TRIB2: variants seen among roughly 807,000 people sequenced by gnomAD.
TRIB2 encodes tribbles pseudokinase 2, also known as tribbles homolog 2.
In TRIB2, 2 loss-of-function variants were observed where a neutral mutation model predicts 26.8. The ratio of observed to expected loss-of-function variants is 0.07; its 90% CI spans 0.03 to 0.24. The LOEUF (loss-of-function observed/expected upper bound fraction) is 0.24, where lower values mean the gene tolerates loss of function less well. TRIB2 is among the 10% of genes least tolerant of loss of function. The pLI, the probability that TRIB2 is intolerant of heterozygous loss-of-function variation, is 1.00. For missense variants in TRIB2, 306 were observed against 449.0 expected (o/e 0.68, Z 2.88); for synonymous variants, 189 against 187.3 (o/e 1.01, Z -0.08).
intron 1 of TRIB2, among the ~76,000 whole-genome samples, chr2:12,722,862 G>C (rs1001506590): frequency 6.6e-6 from 1 of 152,124 alleles, no homozygotes; most frequent in South Asian, 2.1e-4. Flanking sequence ...ATAAAGTGTT[G>C]TTGATGTCAT....
At chr2:12,721,321 T>G (rs1661211476) in intron 1 of TRIB2, among the ~76,000 whole-genome samples, 1 of 152,178 alleles carries the variant, frequency 6.6e-6, no homozygotes, top group Non-Finnish European at 1.5e-5. Flanking sequence ...TGAGCAAAAG[T>G]CACCTTTTAT....
At chr2:12,726,854 A>G (rs1283033918) in intron 2 of TRIB2, among the ~76,000 whole-genome samples, 2 of 152,214 alleles carry the variant, frequency 1.3e-5, no homozygotes, top group African/African-American at 2.4e-5. Flanking sequence ...CTGGTGCAGA[A>G]GAAGACCTGC....
At chr2:12,729,088 G>A (rs532533378) in intron 2 of TRIB2, among the ~76,000 whole-genome samples, 98 of 152,282 alleles carry the variant, frequency 6.4e-4, no homozygotes, top group Non-Finnish European at 1.2e-3. Context: ...TTATTTATGA[G>A]AAACCCCTTT....
intron 2 of TRIB2, among the ~76,000 whole-genome samples, chr2:12,738,459 A>C (rs1344744588): frequency 6.6e-6 from 1 of 152,160 alleles, no homozygotes; most frequent in African/African-American, 2.4e-5. Flanking sequence ...ATGCTGTCTT[A>C]ATCCTAACTC....
chr2:12,717,169 C>G lies in TRIB2; in HGVS notation c.-1139C>G, dbSNP rs1666609851. The G allele has an allele frequency of 2.6e-6, 1 of 391,526 alleles. No individual in the cohort carries two copies. The highest frequency in any genetic ancestry group is 4.5e-6 in the Non-Finnish European group (1 of 222,288). 24.3% of individuals were successfully genotyped at this position (391,526 alleles called of 1,614,324 possible). A position where few individuals can be genotyped will look rare whatever the true frequency, so the allele number is the denominator to read the frequency against. Reference sequence around the variant, plus strand: ...AGAAATCAAAGAAGGAGGAGACAAGCCGTCAATTTTCTCCAAAACAAACCC... The same window carrying G: ...AGAAATCAAAGAAGGAGGAGACAAGGCGTCAATTTTCTCCAAAACAAACCC... On this transcript the variant is annotated 5_prime_UTR_variant, in exon 1 of 3. Transcript: ENST00000155926. The surrounding 1 kb of genome is among the most constrained non-coding windows in gnomAD (Gnocchi z 4.8).
In TRIB2 at chr2:12,741,248, AGCTG is replaced by A. The variant is rs1183312220; in HGVS notation, c.*456_*459del. The A allele has an allele frequency of 6.3e-6, 1 of 158,056 alleles. No individual in the cohort carries two copies. The highest frequency in any genetic ancestry group is 2.4e-5 in the African/African-American group (1 of 41,502). 9.8% of individuals were successfully genotyped at this position (158,056 alleles called of 1,614,324 possible). A position where few individuals can be genotyped will look rare whatever the true frequency, so the allele number is the denominator to read the frequency against. On this transcript the variant is annotated 3_prime_UTR_variant, in exon 3 of 3. Coordinates refer to ENST00000155926, the MANE Select transcript of TRIB2 (RefSeq NM_021643.4). ...TTTCTTTTAAACAAGCCAACCACCT[AGCTG>A]GTAATTAATGAGGTTCACTTAAAAA... is the stretch of plus-strand genomic sequence containing the variant.
At chr2:12,731,623 A>G (rs1158147641) in intron 2 of TRIB2, among the ~76,000 whole-genome samples, 1 of 152,198 alleles carries the variant, frequency 6.6e-6, no homozygotes, top group East Asian at 1.9e-4. Flanking sequence ...AAGGTTTCAA[A>G]TGTGTTCATG....
intron 2 of TRIB2, among the ~76,000 whole-genome samples, chr2:12,738,877 A>AT (rs1327885053): frequency 6.6e-6 from 1 of 152,174 alleles, no homozygotes; most frequent in Non-Finnish European, 1.5e-5. Flanking sequence ...CACTTAATTT[A>AT]TGTCATACAC....
At chr2:12,723,639 T>G in intron 2 of TRIB2, 87 bp downstream of exon 2, 4 of 1,483,840 alleles carry the variant, frequency 2.7e-6, no homozygotes, top group Non-Finnish European at 3.6e-6. Context: ...GGACGTTTTT[T>G]TGCCGTCTGT....
chr2:12,730,593 TG>T (rs959589122), intron 2 of TRIB2, among the ~76,000 whole-genome samples: 1 of 152,144 alleles, frequency 6.6e-6, no homozygotes, highest in African/African-American at 2.4e-5. Flanking sequence ...TTCCATTCTG[TG>T]GGTTTTTTTT....
chr2:12,733,439 C>T lies in TRIB2; in HGVS notation c.564-6887C>T, dbSNP rs551075516. Among the ~76,000 whole-genome samples, 6 of 152,242 alleles carry T rather than the reference C, an allele frequency of 3.9e-5. 1 individual carries two copies. The South Asian group carries it at 1.0e-3, about 26-fold the overall frequency. The stretch of plus-strand genomic sequence containing the variant: ...GAATGTATTTTGGAAAGGACAATGG[C>T]GTTAGAGTCCAGATGTAGATTCAGA... On this transcript the variant is annotated intron_variant, in intron 2 of 2. Coordinates refer to ENST00000155926, the MANE Select transcript of TRIB2 (RefSeq NM_021643.4).
rs1000513258 is a variant in TRIB2 at position 12,723,632 on chromosome 2, C to T, written c.563+80C>T. On this transcript the variant is annotated intron_variant, in intron 2 of 2. Transcript: ENST00000155926. ...GCTTCCTAGAAAAGTCTTGAATGGA[C>T]GTTTTTTTGCCGTCTGTGGTCCAGA... The T allele has an allele frequency of 1.5e-4, 230 of 1,501,856 alleles. 1 individual carries two copies. The highest frequency in any genetic ancestry group is 2.4e-4 in the Middle Eastern group (1 of 4,236). The allele number at this position is 1,501,856 out of a possible 1,614,324, so 93.0% of individuals were successfully genotyped here.
intron 1 of TRIB2, among the ~76,000 whole-genome samples, chr2:12,719,317 T>G (rs1666673617): frequency 6.6e-6 from 1 of 152,060 alleles, no homozygotes; most frequent in South Asian, 2.1e-4. Flanking sequence ...GAGGCTCCCG[T>G]TTGGAGCCCT....
intron 2 of TRIB2, among the ~76,000 whole-genome samples, chr2:12,731,114 G>C (rs1161753227): frequency 1.3e-5 from 2 of 152,234 alleles, no homozygotes; most frequent in Non-Finnish European, 2.9e-5. Context: ...TTATTCAATA[G>C]TTATTTAGCT....
intron 2 of TRIB2, among the ~76,000 whole-genome samples, chr2:12,730,508 C>T (rs993578981): frequency 6.6e-6 from 1 of 152,240 alleles, no homozygotes. Context: ...ACTCAGCTCA[C>T]GACTCAGTTT....
At position 12,729,678 on chromosome 2, in the gene TRIB2, A is replaced by G. The variant is rs984198312; in HGVS notation, c.563+6126A>G. On this transcript the variant is annotated intron_variant, in intron 2 of 2. Coordinates refer to ENST00000155926, the MANE Select transcript of TRIB2 (RefSeq NM_021643.4). ...GGTTAGAAAGGGGAGAGCTTCCTCC[A>G]GGTTCCATGCTTATAAGTAGACTAA... 8.5e-5 allele frequency among the ~76,000 whole-genome samples: 13 copies of G among 152,328 alleles called. No individual in the cohort carries two copies. In the East Asian group the frequency reaches 2.5e-3, roughly 29 times the overall value.
At chr2:12,737,181 C>G (rs13016883) in intron 2 of TRIB2, among the ~76,000 whole-genome samples, 67,362 of 152,158 alleles carry the variant, frequency 0.44, 16,003 homozygotes, top group East Asian at 0.83. Flanking sequence ...TTGGGGCAGA[C>G]GAACCTGGGC....
Position 12,723,450 on chromosome 2 carries a change from G to C in TRIB2, c.461G>C (p.Arg154Thr), listed in dbSNP as rs1313320132. The C allele has an allele frequency of 2.5e-6, 4 of 1,614,108 alleles. No homozygotes were observed. In the South Asian group the frequency reaches 4.4e-5, roughly 18 times the overall value. Residue 154 changes from arginine (R) to threonine (T), a missense_variant, in exon 2 of 3, where the codon AGA (arginine) becomes ACA (threonine). Around this residue, in one of 4 missense-constraint regions of TRIB2, gnomAD observed 118 missense variants for 188.8 expected, o/e 0.63. Coordinates refer to ENST00000155926, the MANE Select transcript of TRIB2 (RefSeq NM_021643.4). ...CKKLREEEAA[R>T]LFYQIASAVA... The stretch of plus-strand genomic sequence containing the variant: ...AAGCTGAGAGAGGAGGAGGCAGCCA[G>C]ACTGTTCTACCAGATTGCCTCGGCA...
intron 2 of TRIB2, among the ~76,000 whole-genome samples, chr2:12,733,564 CT>C (rs2103256882): frequency 6.6e-6 from 1 of 152,248 alleles, no homozygotes; most frequent in Non-Finnish European, 1.5e-5. Context: ...TCATACTTGT[CT>C]TTTACTTTGT....
Sources: allele counts gnomAD v4.1 joint callset (sites outside exome capture counted in the v4.1 genomes callset), GRCh38; gene constraint gnomAD v4.1.1; regional missense constraint gnomAD v4.1.1; non-coding constraint Gnocchi (gnomAD v3.1); transcripts MANE v1.5; gene names NCBI Gene and HGNC (gene_info 2026-07-23, HGNC 2026-07-21).